Variants in UBE2K observed in about 807,000 individuals in gnomAD.
The protein encoded by UBE2K is ubiquitin conjugating enzyme E2 K, also known as ubiquitin-conjugating enzyme E2 K.
UBE2K carries 6 observed loss-of-function variants against 30.0 expected under a neutral mutation model. The ratio of observed to expected loss-of-function variants is 0.20; its 90% confidence interval spans 0.11 to 0.39. The LOEUF is 0.39. UBE2K is among the 10% of genes least tolerant of loss of function. The probability of loss-of-function intolerance (pLI) is 1.00; values close to 1 mark genes in which losing one functional copy is unlikely to be tolerated. For missense variants in UBE2K, 61 were observed against 241.6 expected (o/e 0.25, Z 4.96); for synonymous variants, 86 against 83.7 (o/e 1.03, Z -0.15).
Position 39,755,643 on chromosome 4 carries a change from G to T in UBE2K, c.217-14G>T. 6.3e-7 allele frequency: 1 copy of T among 1,588,084 alleles called. No individual in the cohort carries two copies. On this transcript the variant is annotated splice_polypyrimidine_tract_variant and intron_variant, in intron 3 of 6. Transcript: ENST00000261427. ...TTCTGTTACTGAAAAACTCAAGTGTGCTTTATATTCTAGGTCCGGTTTATC... is the reference window on the plus strand; with the variant it reads ...TTCTGTTACTGAAAAACTCAAGTGTTCTTTATATTCTAGGTCCGGTTTATC...
At chr4:39,771,163 G>C in intron 4 of UBE2K, 2 of 1,612,962 alleles carry the variant, frequency 1.2e-6, no homozygotes, top group Non-Finnish European at 1.7e-6. Context: ...GAATTCCAGG[G>C]TGCCCGTGTA....
At chr4:39,749,214 C>T (rs1397492884) in intron 3 of UBE2K, among the ~76,000 whole-genome samples, 1 of 152,116 alleles carries the variant, frequency 6.6e-6, no homozygotes, top group East Asian at 1.9e-4. Flanking sequence ...ACTTCTAAAA[C>T]AGAGAAAATA....
In UBE2K at chr4:39,742,004, T is replaced by G. The variant is rs933479268; in HGVS notation, c.158-3748T>G. On this transcript the variant is annotated intron_variant, in intron 2 of 6. Transcript: ENST00000261427. ...ATGATTAATGCTAAGTGGTCATATA[T>G]TGAAAGTTGTCAGAGCGTGTAACAT... 1.3e-5 allele frequency among the ~76,000 whole-genome samples: 2 copies of G among 152,170 alleles called. 1 individual carries two copies. Among genetic ancestry groups the G allele is most frequent in the Non-Finnish European group, 2.9e-5 (2 of 68,028 alleles).
chr4:39,758,431 G>T (rs1211605136), intron 4 of UBE2K, among the ~76,000 whole-genome samples: 1 of 152,162 alleles, frequency 6.6e-6, no homozygotes, highest in Non-Finnish European at 1.5e-5. Context: ...TAATTCCAAC[G>T]CTTTAGAAGG....
intron 1 of UBE2K, among the ~76,000 whole-genome samples, chr4:39,723,881 C>T (rs1013193297): frequency 1.3e-4 from 20 of 152,090 alleles, no homozygotes; most frequent in African/African-American, 4.1e-4. Context: ...GGCACAATCG[C>T]GGCTTATTGC....
intron 1 of UBE2K, among the ~76,000 whole-genome samples, chr4:39,730,512 G>A (rs994955158): frequency 6.6e-6 from 1 of 152,040 alleles, no homozygotes; most frequent in Admixed American, 6.6e-5. Flanking sequence ...GGCTTAGCCT[G>A]TAATCCCAGC....
chr4:39,698,524 A>G (rs1717823459), intron 1 of UBE2K, 134 bp downstream of exon 1: 15 of 779,592 alleles, frequency 1.9e-5, no homozygotes, highest in Non-Finnish European at 2.6e-5. Flanking sequence ...AGGAAGCAGC[A>G]GTGTTCCCCT....
At chr4:39,745,681 C>T (rs920688786) in intron 2 of UBE2K, 71 bp from the exon 3 acceptor site, 10 of 998,492 alleles carry the variant, frequency 1.0e-5, no homozygotes. Flanking sequence ...CTCTGAAAAG[C>T]TCATCAGTAT....
At chr4:39,720,723 T>G (rs138853588) in intron 1 of UBE2K, among the ~76,000 whole-genome samples, 1 of 152,154 alleles carries the variant, frequency 6.6e-6, no homozygotes, top group African/African-American at 2.4e-5. Context: ...GAAAAACATT[T>G]TATTGTTTTT....
In UBE2K at chr4:39,781,769, A is replaced by G. The variant is rs1164646906; in HGVS notation, c.*3335A>G. ...AGTTAACTTTATTTCATGGACTTCTACAAAATGTTGTATTAATCACTTTTT... is the reference window on the plus strand; with the variant it reads ...AGTTAACTTTATTTCATGGACTTCTGCAAAATGTTGTATTAATCACTTTTT... On this transcript the variant is annotated 3_prime_UTR_variant, in exon 7 of 7. Coordinates refer to ENST00000261427, the MANE Select transcript of UBE2K (RefSeq NM_005339.5). The G allele has an allele frequency of 5.1e-6, 2 of 394,984 alleles. No homozygotes were observed. Among genetic ancestry groups the G allele is most frequent in the Non-Finnish European group, 8.9e-6 (2 of 223,952 alleles). 24.5% of individuals were successfully genotyped at this position (394,984 alleles called of 1,614,324 possible). A position where few individuals can be genotyped will look rare whatever the true frequency, so the allele number is the denominator to read the frequency against.
At chr4:39,733,209 C>T (rs1439849058) in intron 1 of UBE2K, among the ~76,000 whole-genome samples, 1 of 151,898 alleles carries the variant, frequency 6.6e-6, no homozygotes, top group Non-Finnish European at 1.5e-5. Context: ...CTACAGCTGC[C>T]TTGGTTGTTG....
chr4:39,748,937 A>T (rs1227254429), intron 3 of UBE2K, among the ~76,000 whole-genome samples: 2 of 152,342 alleles, frequency 1.3e-5, no homozygotes, highest in African/African-American at 4.8e-5. Flanking sequence ...CGTTGATTTG[A>T]ATTTTTACTG....
chr4:39,721,470 C>G (rs540127542), intron 1 of UBE2K, among the ~76,000 whole-genome samples: 1 of 152,244 alleles, frequency 6.6e-6, no homozygotes, highest in African/African-American at 2.4e-5. Context: ...CTTCCTACCT[C>G]AGTCTCCTGA....
rs1182522796 is a variant in UBE2K, at chr4:39,778,753, T to C, written c.*319T>C. 5.1e-6 allele frequency: 1 copy of C among 195,578 alleles called. No homozygotes were observed. 12.1% of individuals were successfully genotyped at this position (195,578 alleles called of 1,614,324 possible). On this transcript the variant is annotated 3_prime_UTR_variant, in exon 7 of 7. Transcript: ENST00000261427. The stretch of plus-strand genomic sequence containing the variant: ...TGTACCAAGACTAGCAAGAGTTTGC[T>C]TCAGGATTTTGTTGAATAATTAAGA...
Position 39,755,641 on chromosome 4 carries a change from G to A in UBE2K, c.217-16G>A, listed in dbSNP as rs543792554. ...ATTTCTGTTACTGAAAAACTCAAGT[G>A]TGCTTTATATTCTAGGTCCGGTTTA... On this transcript the variant is annotated splice_polypyrimidine_tract_variant and intron_variant, in intron 3 of 6. Transcript: ENST00000261427. The A allele has an allele frequency of 6.3e-7, 1 of 1,581,340 alleles. No individual in the cohort carries two copies. Among genetic ancestry groups the A allele is most frequent in the African/African-American group, 1.4e-5 (1 of 73,848 alleles).
chr4:39,769,223 T>G (rs868839426), intron 4 of UBE2K, among the ~76,000 whole-genome samples: 2 of 151,750 alleles, frequency 1.3e-5, no homozygotes, highest in Non-Finnish European at 2.9e-5. Context: ...GTTTTTTTTT[T>G]TTTTTCGTTT....
intron 1 of UBE2K, among the ~76,000 whole-genome samples, chr4:39,717,250 T>C (rs919502080): frequency 5.3e-5 from 8 of 151,648 alleles, no homozygotes; most frequent in Admixed American, 4.6e-4. Context: ...TTTTTTTTTT[T>C]TAAGATGGAC....
chr4:39,758,429 A>G (rs967459311), intron 4 of UBE2K, among the ~76,000 whole-genome samples: 3 of 152,198 alleles, frequency 2.0e-5, no homozygotes, highest in Admixed American at 1.3e-4. Flanking sequence ...TGTAATTCCA[A>G]CGCTTTAGAA....
chr4:39,714,575 T>C (rs1718932551), intron 1 of UBE2K: 1 of 120,032 alleles, frequency 8.3e-6, no homozygotes, highest in Admixed American at 8.9e-5. Flanking sequence ...TAAGACTGAG[T>C]CTCTCTCTGT....
Sources: allele counts gnomAD v4.1 joint callset (sites outside exome capture counted in the v4.1 genomes callset), GRCh38; gene constraint gnomAD v4.1.1; transcripts MANE v1.5; gene names NCBI Gene and HGNC (gene_info 2026-07-23, HGNC 2026-07-21).